SREBF2: variants seen among roughly 807,000 people sequenced by gnomAD.
SREBF2 encodes sterol regulatory element-binding protein 2.
In SREBF2, 55 loss-of-function variants were observed where a neutral mutation model predicts 113.1. The ratio of observed to expected loss-of-function variants is 0.49; its 90% CI spans 0.39 to 0.61. SREBF2 has a LOEUF of 0.61. Among genes scored for constraint, SREBF2 ranks in the 20% least tolerant of loss-of-function variants. SREBF2 has a pLI of 0.00. For synonymous variants in SREBF2, 593 were observed against 605.7 expected (o/e 0.98, Z 0.31); for missense variants, 1,349 against 1,487.4 (o/e 0.91, Z 1.53).
In SREBF2 at chr22:41,880,785, T is replaced by G. The variant is rs911458307; in HGVS notation, c.1831T>G (p.Ser611Ala). 1.9e-6 allele frequency: 3 copies of G among 1,614,006 alleles called. No individual in the cohort carries two copies. Among genetic ancestry groups the G allele is most frequent in the Non-Finnish European group, 2.5e-6 (3 of 1,180,032 alleles). Residue 611 changes from serine to alanine, a missense_variant, in exon 10 of 19, where the codon TCC becomes GCC. This residue lies in a region of SREBF2 where 699 missense variants were observed against 843.3 expected (regional missense o/e 0.83). Transcript: ENST00000361204. ...AGTTTTGGGCCGGGCACTGCCCACC[T>G]CCCGCCTGGACCTGGCCTGCAGCCT... The part of the protein sequence containing the change: ...LAVLGRALPT[S>A]RLDLACSLSW...
intron 16 of SREBF2, 46 bp downstream of exon 16, chr22:41,900,544 G>T (rs2077456905): frequency 6.3e-7 from 1 of 1,591,306 alleles, no homozygotes; most frequent in African/African-American, 1.3e-5. Flanking sequence ...CTCTGCACTG[G>T]TTTACGAGAA....
chr22:41,901,399 A>G (rs1163827406), intron 16 of SREBF2, among the ~76,000 whole-genome samples: 1 of 152,192 alleles, frequency 6.6e-6, no homozygotes, highest in Non-Finnish European at 1.5e-5. Flanking sequence ...GGTGGCTCAC[A>G]CCTGTAATCC....
chr22:41,864,223 CATATATATATATATATATATATAT>C (rs756489276), intron 1 of SREBF2, among the ~76,000 whole-genome samples: 5 of 46,316 alleles, frequency 1.1e-4, no homozygotes, highest in South Asian at 1.9e-3. Flanking sequence ...CTTCTGCAAG[CATATATATATATATATATATATAT>C]ATATATATAT....
At position 41,877,261 on chromosome 22, in the gene SREBF2, G is replaced by T. The variant is rs143287516; in HGVS notation, c.1419G>T (p.Ala473=). 1.9e-5 allele frequency: 31 copies of T among 1,614,072 alleles called. No individual in the cohort carries two copies. The highest frequency in any genetic ancestry group is 2.3e-5 in the Non-Finnish European group (27 of 1,180,044). Residue 473 remains alanine, a synonymous_variant, in exon 8 of 19, where the codon GCG becomes GCT. Coordinates refer to ENST00000361204, the MANE Select transcript of SREBF2 (RefSeq NM_004599.4). ...ATGAGCCAGACTCTCCTCCTGTGGCGCTGGGCATGGTAGACCGCTCACGGA... is the reference window on the plus strand; with the variant it reads ...ATGAGCCAGACTCTCCTCCTGTGGCTCTGGGCATGGTAGACCGCTCACGGA... ...VKDEPDSPPV[A]LGMVDRSRIL...
chr22:41,869,701 T>C (rs1329921462), intron 3 of SREBF2, among the ~76,000 whole-genome samples: 1 of 151,602 alleles, frequency 6.6e-6, no homozygotes, highest in Non-Finnish European at 1.5e-5. Flanking sequence ...GCCAGGCTGG[T>C]TTTGAACTCC....
intron 1 of SREBF2, among the ~76,000 whole-genome samples, chr22:41,834,842 C>G (rs1264142745): frequency 6.6e-6 from 1 of 152,172 alleles, no homozygotes; most frequent in African/African-American, 2.4e-5. Context: ...ATAGCAAGGG[C>G]AGCTAACATG....
chr22:41,844,786 T>G (rs2076862051), intron 1 of SREBF2, among the ~76,000 whole-genome samples: 1 of 152,166 alleles, frequency 6.6e-6, no homozygotes, highest in Non-Finnish European at 1.5e-5. Flanking sequence ...CTGCCCAGCT[T>G]AAGCCCCCTC....
chr22:41,891,845 G>A (rs1161701734), intron 11 of SREBF2, among the ~76,000 whole-genome samples: 3 of 152,222 alleles, frequency 2.0e-5, no homozygotes, highest in Non-Finnish European at 4.4e-5. Flanking sequence ...TTATGGGTTG[G>A]AAGTCATGGG....
intron 1 of SREBF2, among the ~76,000 whole-genome samples, chr22:41,843,336 G>A (rs2076846124): frequency 1.3e-5 from 2 of 152,230 alleles, no homozygotes; most frequent in Non-Finnish European, 2.9e-5. Flanking sequence ...AAAACTTTAT[G>A]TAGGCCTGTT....
intron 2 of SREBF2, 36 bp downstream of exon 2, chr22:41,867,316 T>G: frequency 6.2e-7 from 1 of 1,609,466 alleles, no homozygotes; most frequent in African/African-American, 1.3e-5. Context: ...GGTTGGTTGG[T>G]TCCAATGTTT....
At chr22:41,841,890 G>C (rs2076833562) in intron 1 of SREBF2, among the ~76,000 whole-genome samples, 1 of 152,164 alleles carries the variant, frequency 6.6e-6, no homozygotes, top group Admixed American at 6.5e-5. Flanking sequence ...GCAAACCCTT[G>C]CACACCTGTG....
At chr22:41,840,398 G>A (rs1377367026) in intron 1 of SREBF2, among the ~76,000 whole-genome samples, 1 of 151,904 alleles carries the variant, frequency 6.6e-6, no homozygotes, top group Non-Finnish European at 1.5e-5. Context: ...ACTTATCTTG[G>A]GACAACCCCT....
Position 41,898,663 on chromosome 22 carries a change from T to A in SREBF2, c.2620T>A (p.Cys874Ser), listed in dbSNP as rs1284367271. 1.9e-6 allele frequency: 3 copies of A among 1,613,966 alleles called. No individual in the cohort carries two copies. The East Asian group carries it at 6.7e-5, about 36-fold the overall frequency. The change falls in exon 15 of 19, where the codon TGT becomes AGT. Residue 874 changes from cysteine (C) to serine (S), a missense_variant. Coordinates refer to ENST00000361204, the MANE Select transcript of SREBF2 (RefSeq NM_004599.4). Reference protein sequence around the residue: ...LKSALGPDIICRWWTSAITVA... With the variant: ...LKSALGPDIISRWWTSAITVA... ...TTCTCCTCTAGGTCCAGACATCATCTGTCGGTGGTGGACGTCTGCAATCAC... is the reference window on the plus strand; with the variant it reads ...TTCTCCTCTAGGTCCAGACATCATCAGTCGGTGGTGGACGTCTGCAATCAC...
intron 1 of SREBF2, 148 bp from the exon 2 acceptor site, chr22:41,866,683 C>A: frequency 1.1e-6 from 1 of 908,570 alleles, no homozygotes; most frequent in East Asian, 2.4e-5. Context: ...CCCAGATGAT[C>A]CCCACAAGAA....
intron 1 of SREBF2, among the ~76,000 whole-genome samples, chr22:41,860,301 G>A (rs1046423954): frequency 4.0e-5 from 6 of 151,176 alleles, no homozygotes; most frequent in African/African-American, 9.7e-5. Flanking sequence ...AAGAGCAGGC[G>A]GTTTACAAAG....
intron 11 of SREBF2, among the ~76,000 whole-genome samples, chr22:41,887,187 C>G (rs2077307779): frequency 6.6e-6 from 1 of 152,034 alleles, no homozygotes; most frequent in Non-Finnish European, 1.5e-5. Flanking sequence ...TGCACTCCAG[C>G]CTGGGTGACA....
At chr22:41,851,449 T>C (rs1473133017) in intron 1 of SREBF2, among the ~76,000 whole-genome samples, 1 of 152,050 alleles carries the variant, frequency 6.6e-6, no homozygotes, top group African/African-American at 2.4e-5. Context: ...TTTGAGACTC[T>C]CCTGGGCAAC....
At chr22:41,895,416 C>T (rs2077405646) in intron 13 of SREBF2, among the ~76,000 whole-genome samples, 1 of 151,114 alleles carries the variant, frequency 6.6e-6, no homozygotes, top group South Asian at 2.1e-4. Flanking sequence ...CAGGCGTGAG[C>T]CACCATGCCC....
chr22:41,904,423 C>G (rs2077488429), intron 17 of SREBF2: 3 of 380,886 alleles, frequency 7.9e-6, no homozygotes. Flanking sequence ...CCTCTAGACT[C>G]TCTTCCTTTC....
Sources: gnomAD v4.1 joint callset for allele counts (sites outside exome capture counted in the v4.1 genomes callset) on GRCh38, gnomAD v4.1.1 for gene constraint, gnomAD v4.1.1 regional missense constraint, MANE v1.5 for transcripts, NCBI Gene and HGNC (gene_info 2026-07-23, HGNC 2026-07-21) for gene names.